The following MSH4 variants were observed in gnomAD, a reference collection of about 807,000 sequenced individuals.
The protein encoded by MSH4 is mutS protein homolog 4.
In MSH4, 106 loss-of-function variants were observed where a neutral mutation model predicts 113.7. The ratio of observed to expected loss-of-function variants is 0.93; its 90% CI spans 0.80 to 1.10. The LOEUF (loss-of-function observed/expected upper bound fraction) is 1.10. Ranked by LOEUF, MSH4 falls within the 50% of genes least tolerant of loss-of-function variation. MSH4 has a pLI of 0.00. For missense variants in MSH4, 1,061 were observed against 1,093.7 expected (o/e 0.97, Z 0.42); for synonymous variants, 368 against 380.2 (o/e 0.97, Z 0.37).
chr1:75,839,379 T>C lies in MSH4; in HGVS notation c.1163-8830T>C, dbSNP rs533190578. On this transcript the variant is annotated intron_variant, in intron 7 of 19. Transcript: ENST00000263187. Reference sequence around the variant, plus strand: ...ACAGGCGCCCACCACCATGCCTGGCTAATTTTTGTATTTTTAATAGAGATG... The same window carrying C: ...ACAGGCGCCCACCACCATGCCTGGCCAATTTTTGTATTTTTAATAGAGATG... 1.8e-4 allele frequency among the ~76,000 whole-genome samples: 27 copies of C among 152,172 alleles called. 1 individual carries two copies. The highest frequency in any genetic ancestry group is 1.6e-3 in the Admixed American group (24 of 15,288).
chr1:75,886,686 T>G (rs1463773911), intron 15 of MSH4, among the ~76,000 whole-genome samples: 1 of 131,938 alleles, frequency 7.6e-6, no homozygotes, highest in South Asian at 2.2e-4. Context: ...ATATACATTA[T>G]AATGTATAAT....
intron 8 of MSH4, among the ~76,000 whole-genome samples, chr1:75,858,435 A>C (rs796991967): frequency 6.6e-6 from 1 of 152,168 alleles, no homozygotes; most frequent in East Asian, 1.9e-4. Flanking sequence ...GTTGAGATAC[A>C]TTCCATTGAT....
At chr1:75,864,893 T>A (rs542620623) in intron 8 of MSH4, among the ~76,000 whole-genome samples, 2 of 152,338 alleles carry the variant, frequency 1.3e-5, no homozygotes, top group African/African-American at 4.8e-5. Context: ...GACTCTGCTT[T>A]CTGAAGAATT....
At chr1:75,851,185 A>T (rs1035374214) in intron 8 of MSH4, among the ~76,000 whole-genome samples, 2 of 150,818 alleles carry the variant, frequency 1.3e-5, no homozygotes, top group African/African-American at 4.9e-5. Context: ...ACACTTAATA[A>T]GATTATTGAT....
At chr1:75,866,604 A>G (rs1651566613) in intron 8 of MSH4, among the ~76,000 whole-genome samples, 1 of 152,164 alleles carries the variant, frequency 6.6e-6, no homozygotes, top group African/African-American at 2.4e-5. Flanking sequence ...AACATTTATT[A>G]TGGCATTTTT....
chr1:75,868,312 A>T (rs1053605431), intron 9 of MSH4, among the ~76,000 whole-genome samples: 34 of 152,152 alleles, frequency 2.2e-4, no homozygotes, highest in African/African-American at 8.0e-4. Flanking sequence ...TAAGTTATTA[A>T]TCTATGGAGA....
intron 1 of MSH4, among the ~76,000 whole-genome samples, chr1:75,798,095 T>G (rs865871463): frequency 3.9e-5 from 6 of 152,192 alleles, no homozygotes; most frequent in Admixed American, 2.6e-4. Context: ...TTTCAGTTCA[T>G]CTCATGTGAC....
chr1:75,830,350 G>A (rs191105471), intron 7 of MSH4, among the ~76,000 whole-genome samples: 1 of 152,288 alleles, frequency 6.6e-6, no homozygotes, highest in African/African-American at 2.4e-5. Flanking sequence ...ATGGAACCAA[G>A]TTGGAAAACA....
At position 75,797,228 on chromosome 1, in the gene MSH4, A is replaced by G. The variant is rs1649836801; in HGVS notation, c.243A>G (p.Gln81=). Residue 81 remains glutamine (Q), a splice_region_variant and synonymous_variant, in exon 1 of 20, where the codon CAA becomes CAG. Transcript: ENST00000263187. ...PCPAPNSRPA[Q]GSYFGNKRAY... The stretch of plus-strand genomic sequence containing the variant: ...CCGCGCCAAACTCCCGGCCAGCTCA[A>G]GGCAAGGAGTGATTGGGTGGAGGAG... 17 of 1,603,156 alleles carry G rather than the reference A, an allele frequency of 1.1e-5. No individual in the cohort carries two copies. Among genetic ancestry groups the G allele is most frequent in the African/African-American group, 1.3e-5 (1 of 74,950 alleles).
chr1:75,810,231 G>T (rs12030041), intron 3 of MSH4, among the ~76,000 whole-genome samples: 37,715 of 98,816 alleles, frequency 0.38, 6,184 homozygotes, highest in East Asian at 0.68. Context: ...TGGTGGTGGT[G>T]TTTGTTTGTC....
chr1:75,829,485 TC>T (rs1650634546), intron 7 of MSH4, among the ~76,000 whole-genome samples: 1 of 152,122 alleles, frequency 6.6e-6, no homozygotes, highest in Admixed American at 6.6e-5. Context: ...ACAGACTGCC[TC>T]CCCAAGTGGG....
At position 75,797,012 on chromosome 1, in the gene MSH4, C is replaced by T. The variant is rs145324507; in HGVS notation, c.27C>T (p.Thr9=). 6.2e-7 allele frequency: 1 copy of T among 1,614,140 alleles called. No individual in the cohort carries two copies. Among genetic ancestry groups the T allele is most frequent in the Non-Finnish European group, 8.5e-7 (1 of 1,180,024 alleles). Residue 9 remains threonine (T), a synonymous_variant, in exon 1 of 20, where the codon ACC becomes ACT. Coordinates refer to ENST00000263187, the MANE Select transcript of MSH4 (RefSeq NM_002440.4). MLRPEISS[T]SPSAPAVSPS... ...TGCTGAGGCCTGAGATCTCATCAAC[C>T]TCGCCTTCTGCCCCGGCGGTTTCCC...
chr1:75,899,755 T>C (rs186925194), intron 19 of MSH4, 49 bp downstream of exon 19: 249 of 1,015,970 alleles, frequency 2.5e-4, no homozygotes, highest in Admixed American at 5.4e-4. Context: ...AAAATACTTT[T>C]AGTGTAGATT....
At chr1:75,906,841 C>CTTT (rs35554554) in intron 19 of MSH4, among the ~76,000 whole-genome samples, 1 of 121,634 alleles carries the variant, frequency 8.2e-6, no homozygotes, top group African/African-American at 3.0e-5. Context: ...TTTTTTTTTT[C>CTTT]TTTTTTTTTT....
At chr1:75,907,075 G>A (rs1299671348) in intron 19 of MSH4, among the ~76,000 whole-genome samples, 1 of 151,958 alleles carries the variant, frequency 6.6e-6, no homozygotes, top group Non-Finnish European at 1.5e-5. Context: ...AGAGTATTCT[G>A]AATTTATGTA....
At chr1:75,887,737 A>C (rs1415582649) in intron 15 of MSH4, among the ~76,000 whole-genome samples, 2 of 151,982 alleles carry the variant, frequency 1.3e-5, no homozygotes, top group Non-Finnish European at 2.9e-5. Context: ...AATTGTCCCC[A>C]CCCTTCTCCA....
rs750134301 is a variant in MSH4 at position 75,877,017 on chromosome 1, C to T, written c.1370+17C>T. 53 of 1,473,734 alleles carry T rather than the reference C, an allele frequency of 3.6e-5. No homozygotes were observed. Among genetic ancestry groups the T allele is most frequent in the South Asian group, 2.9e-4 (21 of 73,186 alleles). The allele number at this position is 1,473,734 out of a possible 1,614,324, so 91.3% of individuals were successfully genotyped here. Reference sequence around the variant, plus strand: ...AGACAAGAGGTCTTTGTCACTCAACCGTTAATAAAAAATAAGATTATTCTC... The same window carrying T: ...AGACAAGAGGTCTTTGTCACTCAACTGTTAATAAAAAATAAGATTATTCTC... On this transcript the variant is annotated intron_variant, in intron 10 of 19. Transcript: ENST00000263187.
intron 2 of MSH4, among the ~76,000 whole-genome samples, chr1:75,805,533 A>G (rs1570939400): frequency 7.0e-6 from 1 of 143,294 alleles, no homozygotes; most frequent in Admixed American, 7.2e-5. Context: ...GATTACAGGC[A>G]TGCATCACCA....
At chr1:75,818,427 A>G (rs1650335539) in intron 6 of MSH4, among the ~76,000 whole-genome samples, 1 of 152,188 alleles carries the variant, frequency 6.6e-6, no homozygotes, top group African/African-American at 2.4e-5. Context: ...GAAATCTTGG[A>G]CAAGTTACCT....
Sources: allele counts gnomAD v4.1 joint callset (sites outside exome capture counted in the v4.1 genomes callset), GRCh38; gene constraint gnomAD v4.1.1; transcripts MANE v1.5; gene names NCBI Gene and HGNC (gene_info 2026-07-23, HGNC 2026-07-21).